RABL6: variants seen among roughly 807,000 people sequenced by gnomAD.
RABL6 encodes RAB, member RAS oncogene family like 6, also known as rab-like protein 6.
In RABL6, 28 loss-of-function variants were observed where a neutral mutation model predicts 72.9. That is an observed-to-expected ratio of 0.38 (90% CI 0.28 to 0.53). The LOEUF (loss-of-function observed/expected upper bound fraction) is 0.53. Ranked by LOEUF, RABL6 falls within the 20% of genes least tolerant of loss-of-function variation. The pLI is 0.80. For missense variants in RABL6, 1,029 were observed against 1,008.4 expected, an observed-to-expected ratio of 1.02 and a Z score of -0.28; for synonymous variants, 477 against 421.2, an observed-to-expected ratio of 1.13 and a Z score of -1.62.
At position 136,821,989 on chromosome 9, in the gene RABL6, G is replaced by C. The variant is rs1318496002; in HGVS notation, c.131-1536G>C. ...GACCAGAGGCGTTGAAAGTTGGCGCGTTGAGGTACCTAGGATGGGCGAGGA... is the reference window on the plus strand; with the variant it reads ...GACCAGAGGCGTTGAAAGTTGGCGCCTTGAGGTACCTAGGATGGGCGAGGA... On this transcript the variant is annotated intron_variant, in intron 1 of 14. Transcript: ENST00000311502. 11 of 1,289,750 alleles carry C rather than the reference G, an allele frequency of 8.5e-6. No homozygotes were observed. In the East Asian group the frequency reaches 5.0e-4, roughly 59 times the overall value. The allele number at this position is 1,289,750 out of a possible 1,614,324, so 79.9% of individuals were successfully genotyped here.
chr9:136,834,635 C>T (rs924641070), intron 7 of RABL6, among the ~76,000 whole-genome samples: 2 of 152,128 alleles, frequency 1.3e-5, no homozygotes, highest in Non-Finnish European at 2.9e-5. Context: ...CCTGCCACCA[C>T]GCCTGGCTAA....
chr9:136,838,676 T>C (rs751690228), intron 10 of RABL6, among the ~76,000 whole-genome samples: 15 of 152,168 alleles, frequency 9.9e-5, no homozygotes, highest in Admixed American at 3.9e-4. Context: ...CTCCACATCC[T>C]TCACCCACTG....
chr9:136,832,157 T>G (rs1051099519), intron 6 of RABL6, 108 bp from the exon 7 acceptor site: 1 of 1,097,468 alleles, frequency 9.1e-7, no homozygotes, highest in Non-Finnish European at 1.4e-6. Context: ...CTCAGGAGCC[T>G]GCAGGAGGAG....
chr9:136,828,631 C>G, intron 4 of RABL6, 85 bp downstream of exon 4: 1 of 1,413,036 alleles, frequency 7.1e-7, no homozygotes, highest in Non-Finnish European at 9.9e-7. Flanking sequence ...ACGCTTTTGA[C>G]CCCAACCACC....
intron 7 of RABL6, chr9:136,835,434 C>T (rs1441353646): frequency 3.8e-6 from 1 of 260,298 alleles, no homozygotes; most frequent in Non-Finnish European, 7.3e-6. Flanking sequence ...GCGGCTTCTT[C>T]ACTCTTAGAG....
intron 1 of RABL6, among the ~76,000 whole-genome samples, chr9:136,815,885 C>A (rs1442977598): frequency 6.6e-6 from 1 of 152,184 alleles, no homozygotes; most frequent in Non-Finnish European, 1.5e-5. Flanking sequence ...CTAAAACAAG[C>A]TTAGAACAGA....
At chr9:136,813,417 C>G in intron 1 of RABL6, 1 of 814,460 alleles carries the variant, frequency 1.2e-6, no homozygotes, top group Non-Finnish European at 2.0e-6. Context: ...TTTGATTCAC[C>G]CCTCCAAGTG....
At chr9:136,819,324 G>GAAAAAA (rs57726746) in intron 1 of RABL6, among the ~76,000 whole-genome samples, 1 of 58,926 alleles carries the variant, frequency 1.7e-5, no homozygotes, top group African/African-American at 4.6e-5. Flanking sequence ...TCCGTCTCAA[G>GAAAAAA]AAAAAAAAAA....
chr9:136,811,999 T>C (rs1848022238), intron 1 of RABL6, among the ~76,000 whole-genome samples: 2 of 152,258 alleles, frequency 1.3e-5, no homozygotes, highest in Non-Finnish European at 2.9e-5. Context: ...CTTGGGATTT[T>C]AATTTTGGTT....
intron 1 of RABL6, 25 bp downstream of exon 1, chr9:136,808,351 G>T (rs748886313): frequency 4.7e-6 from 7 of 1,487,198 alleles, no homozygotes; most frequent in Non-Finnish European, 6.2e-6. Context: ...CCGGGGGGGC[G>T]CGGGAGCGCC....
intron 2 of RABL6, among the ~76,000 whole-genome samples, chr9:136,825,442 G>C (rs1409085751): frequency 6.7e-6 from 1 of 150,360 alleles, no homozygotes; most frequent in Non-Finnish European, 1.5e-5. Context: ...GCCCAGGATC[G>C]GGGCCGGGGA....
rs918944246 is a variant in RABL6 at position 136,840,686 on chromosome 9, G to A, written c.*164G>A. 6.5e-7 allele frequency: 1 copy of A among 1,549,074 alleles called. No homozygotes were observed. The highest frequency in any genetic ancestry group is 8.7e-7 in the Non-Finnish European group (1 of 1,146,856). On this transcript the variant is annotated 3_prime_UTR_variant, in exon 15 of 15. Coordinates refer to ENST00000311502, the MANE Select transcript of RABL6 (RefSeq NM_024718.5). ...GGTGGTCCCCAGGCTGGGCCCTGCA[G>A]GTGCTGGGCCTTCAGGCCCAGTGTG...
chr9:136,839,891 C>A (rs968955484), intron 13 of RABL6, 26 bp downstream of exon 13: 8 of 1,602,254 alleles, frequency 5.0e-6, no homozygotes, highest in Admixed American at 1.7e-5. Flanking sequence ...AGAGTGCGGT[C>A]AGCCTGCTGG....
chr9:136,834,970 CA>C (rs781136835), intron 7 of RABL6, among the ~76,000 whole-genome samples: 4,245 of 117,254 alleles, frequency 0.036, 75 homozygotes, highest in Middle Eastern at 0.086. Context: ...AAAGATGATT[CA>C]AAAAAAAAAA....
At chr9:136,828,867 C>T (rs1428684003) in intron 4 of RABL6, among the ~76,000 whole-genome samples, 7 of 152,204 alleles carry the variant, frequency 4.6e-5, no homozygotes, top group East Asian at 1.9e-4. Context: ...GGACACATCT[C>T]GCAGCGCCAT....
chr9:136,834,174 T>G, intron 7 of RABL6: 1 of 1,267,520 alleles, frequency 7.9e-7, no homozygotes, highest in Non-Finnish European at 9.9e-7. Context: ...TTTCAGGCCT[T>G]CTTTATGTCA....
At chr9:136,818,145 C>T (rs1232605976) in intron 1 of RABL6, among the ~76,000 whole-genome samples, 3 of 149,246 alleles carry the variant, frequency 2.0e-5, no homozygotes, top group South Asian at 2.1e-4. Flanking sequence ...GGGCAGATCA[C>T]GAGGTCAGGA....
chr9:136,829,946 A>T (rs1303807307), intron 5 of RABL6, among the ~76,000 whole-genome samples: 7 of 152,252 alleles, frequency 4.6e-5, no homozygotes, highest in South Asian at 2.1e-4. Flanking sequence ...GCAAGCCCCC[A>T]GAGTCCACTG....
chr9:136,829,834 A>G (rs1486145185), intron 5 of RABL6, among the ~76,000 whole-genome samples: 5 of 152,242 alleles, frequency 3.3e-5, no homozygotes, highest in South Asian at 2.1e-4. Flanking sequence ...CTCCGTCTTC[A>G]TGACCTAGGA....
Sources: gnomAD v4.1 joint callset for allele counts (sites outside exome capture counted in the v4.1 genomes callset) on GRCh38, gnomAD v4.1.1 for gene constraint, MANE v1.5 for transcripts, NCBI Gene and HGNC (gene_info 2026-07-23, HGNC 2026-07-21) for gene names.